Variants in DMD observed in about 807,000 individuals in gnomAD.
DMD encodes the protein dystrophin.
Under a neutral mutation model 330.1 loss-of-function variants are expected in DMD, and 63 were observed. That is an observed-to-expected ratio of 0.19 (90% CI 0.16 to 0.24). The LOEUF is 0.24. Among genes scored for constraint, DMD ranks in the 10% least tolerant of loss-of-function variants. The pLI is 1.00. For synonymous variants in DMD, 1,223 were observed against 959.8 expected (o/e 1.27, Z -5.07); for missense variants, 3,344 against 2,684.1 (o/e 1.25, Z -5.43).
intron 45 of DMD, among the ~76,000 whole-genome samples, chrX:31,965,121 G>A (rs2095340336): frequency 9.0e-6 from 1 of 111,319 alleles, no homozygotes; most frequent in Admixed American, 9.6e-5. Context: ...GCAATCCATT[G>A]CTTGAAGGCC....
chrX:31,659,354 A>G (rs780380001), intron 53 of DMD, among the ~76,000 whole-genome samples: 1 of 111,398 alleles, frequency 9.0e-6, no homozygotes, highest in African/African-American at 3.3e-5. Flanking sequence ...AAAAAATGAG[A>G]AACAGGCCGG....
chrX:32,039,967 C>G (rs2095986166), intron 44 of DMD, among the ~76,000 whole-genome samples: 1 of 111,538 alleles, frequency 9.0e-6, no homozygotes, highest in African/African-American at 3.3e-5. Context: ...TAAGCATGTA[C>G]CCTATATAAA....
intron 1 of DMD, among the ~76,000 whole-genome samples, chrX:33,327,399 T>G (rs138334201): frequency 1.9e-4 from 21 of 111,853 alleles, no homozygotes; most frequent in African/African-American, 6.8e-4. Flanking sequence ...AATAGGTTGC[T>G]AAAAAGAATT....
chrX:32,501,856 G>T lies in DMD; in HGVS notation c.2293-14C>A. Reference sequence around the variant, plus strand: ...TCGCTCTATGGCCTGCAGCATGAGAGCAAAGATGAGTAATTCAATACAAGG... The same window carrying T: ...TCGCTCTATGGCCTGCAGCATGAGATCAAAGATGAGTAATTCAATACAAGG... On this transcript the variant is annotated splice_polypyrimidine_tract_variant and intron_variant, in intron 18 of 78. Coordinates refer to ENST00000357033, the MANE Select transcript of DMD (RefSeq NM_004006.3). 8.8e-7 allele frequency: 1 copy of T among 1,141,839 alleles called. No homozygotes were observed. The highest frequency in any genetic ancestry group is 1.2e-6 in the Non-Finnish European group (1 of 836,058). 94.1% of individuals were successfully genotyped at this position (1,141,839 alleles called of 1,213,427 possible).
intron 60 of DMD, among the ~76,000 whole-genome samples, chrX:31,370,717 C>G (rs1318343432): frequency 8.9e-6 from 1 of 112,282 alleles, no homozygotes; most frequent in Non-Finnish European, 1.9e-5. Flanking sequence ...TATGTTCACA[C>G]AAAAACCTGT....
At chrX:32,011,772 A>G (rs1007234989) in intron 44 of DMD, among the ~76,000 whole-genome samples, 1 of 111,327 alleles carries the variant, frequency 9.0e-6, no homozygotes, top group Non-Finnish European at 1.9e-5. Context: ...GCGACTGCCA[A>G]TCCCTGGGTT....
At chrX:32,838,182 T>G (rs761480652) in intron 4 of DMD, among the ~76,000 whole-genome samples, 1 of 112,101 alleles carries the variant, frequency 8.9e-6, no homozygotes, top group South Asian at 3.7e-4. Flanking sequence ...TGACTGTAAC[T>G]TTCTTGAATA....
intron 50 of DMD, among the ~76,000 whole-genome samples, chrX:31,809,109 TTATATATATATGAGTTTATA>T (rs2092380636): frequency 1.9e-5 from 2 of 106,518 alleles, no homozygotes; most frequent in Non-Finnish European, 3.9e-5. Flanking sequence ...ATAAAATCTC[TTATATATATATGAGTTTATA>T]TATAAATATA....
chrX:32,072,471 G>C (rs1428009880), intron 44 of DMD, among the ~76,000 whole-genome samples: 1 of 110,833 alleles, frequency 9.0e-6, no homozygotes, highest in Non-Finnish European at 1.9e-5. Flanking sequence ...AAAACCCAGA[G>C]GGGCCCACAG....
chrX:31,733,694 G>T (rs2086670162), intron 51 of DMD, among the ~76,000 whole-genome samples: 1 of 111,647 alleles, frequency 9.0e-6, no homozygotes, highest in African/African-American at 3.2e-5. Context: ...TACCGAAAGG[G>T]TTTTACTGGT....
chrX:32,415,027 A>T (rs937969284), intron 29 of DMD, among the ~76,000 whole-genome samples: 1 of 111,637 alleles, frequency 9.0e-6, no homozygotes, highest in Non-Finnish European at 1.9e-5. Context: ...AAAGAAATGG[A>T]TCTCTAGTGA....
chrX:32,629,528 T>G (rs1472710450), intron 11 of DMD, among the ~76,000 whole-genome samples: 1 of 111,529 alleles, frequency 9.0e-6, no homozygotes. Flanking sequence ...CATGTTATCA[T>G]TGGTACGTTA....
At chrX:32,555,903 G>A (rs2050243644) in intron 16 of DMD, among the ~76,000 whole-genome samples, 1 of 111,799 alleles carries the variant, frequency 8.9e-6, no homozygotes. Context: ...TCAGGACATA[G>A]GCATGGGCAA....
intron 2 of DMD, among the ~76,000 whole-genome samples, chrX:32,875,307 A>C (rs1486672913): frequency 1.8e-5 from 2 of 111,845 alleles, no homozygotes; most frequent in Non-Finnish European, 3.8e-5. Context: ...CTTCTTAGTT[A>C]CACCTGAATT....
At chrX:33,108,426 C>T (rs2095309997) in intron 1 of DMD, among the ~76,000 whole-genome samples, 1 of 106,314 alleles carries the variant, frequency 9.4e-6, no homozygotes, top group Non-Finnish European at 1.9e-5. Context: ...TGCCACCAGG[C>T]CGGCTAATTT....
chrX:31,593,704 G>T lies in DMD; in HGVS notation c.8217+33969C>A, dbSNP rs182648668. On this transcript the variant is annotated intron_variant, in intron 55 of 78. Transcript: ENST00000357033. The stretch of plus-strand genomic sequence containing the variant: ...TAGTCCACATTTTCATGTGTATTTG[G>T]CCCTCAAACCAAGCATGTAATTTAA... 2.3e-4 allele frequency among the ~76,000 whole-genome samples: 25 copies of T among 109,700 alleles called. No homozygotes were observed. The East Asian group carries it at 6.8e-3, about 30-fold the overall frequency.
intron 25 of DMD, among the ~76,000 whole-genome samples, chrX:32,457,473 G>GA (rs2098365158): frequency 9.0e-6 from 1 of 110,859 alleles, no homozygotes; most frequent in Non-Finnish European, 1.9e-5. Flanking sequence ...GATGTAGCGT[G>GA]GAGAAGATGT....
chrX:32,527,171 C>T (rs1032447136), intron 17 of DMD, among the ~76,000 whole-genome samples: 3 of 111,909 alleles, frequency 2.7e-5, no homozygotes, highest in Non-Finnish European at 5.6e-5. Context: ...GGTCCCAGGG[C>T]TCTAGGCCTA....
chrX:32,825,468 A>T (rs2078623856), intron 4 of DMD, among the ~76,000 whole-genome samples: 1 of 111,826 alleles, frequency 8.9e-6, no homozygotes, highest in Admixed American at 9.5e-5. Context: ...TTCACAACAG[A>T]AGGTCACATA....
Sources: gnomAD v4.1 joint callset for allele counts (sites outside exome capture counted in the v4.1 genomes callset) on GRCh38, gnomAD v4.1.1 for gene constraint, MANE v1.5 for transcripts, NCBI Gene and HGNC (gene_info 2026-07-23, HGNC 2026-07-21) for gene names.